The following COMMD10 variants were observed in gnomAD, a reference collection of about 807,000 sequenced individuals.
COMMD10 encodes the protein COMM domain-containing protein 10.
In COMMD10, 33 loss-of-function variants were observed where a neutral mutation model predicts 28.9. The ratio of observed to expected loss-of-function variants is 1.14; its 90% CI spans 0.87 to 1.53. COMMD10 has a LOEUF of 1.53. Ranked by LOEUF, COMMD10 falls within the 40% of genes most tolerant of loss-of-function variation. The probability of loss-of-function intolerance (pLI) is 0.00; values close to 1 mark genes in which losing one functional copy is unlikely to be tolerated. For missense variants in COMMD10, 310 were observed against 233.4 expected, an observed-to-expected ratio of 1.33 and a Z score of -2.14; for synonymous variants, 110 against 81.7, an observed-to-expected ratio of 1.35 and a Z score of -1.87.
At chr5:116,246,478 A>G (rs1324192416) in intron 5 of COMMD10, among the ~76,000 whole-genome samples, 1 of 151,352 alleles carries the variant, frequency 6.6e-6, no homozygotes, top group Non-Finnish European at 1.5e-5. Context: ...CTAGGAAAAA[A>G]AAAAAACTAT....
chr5:116,147,099 A>G (rs1490383311), intron 5 of COMMD10, among the ~76,000 whole-genome samples: 1 of 151,750 alleles, frequency 6.6e-6, no homozygotes, highest in Non-Finnish European at 1.5e-5. Context: ...CTTTTTGCAT[A>G]TTTAGCATCA....
intron 5 of COMMD10, among the ~76,000 whole-genome samples, chr5:116,189,450 G>T (rs756416597): frequency 3.3e-5 from 5 of 152,240 alleles, no homozygotes; most frequent in Non-Finnish European, 5.9e-5. Context: ...TTTGGTTGCA[G>T]TTCTGGCTTC....
At chr5:116,136,757 G>T (rs539828205) in intron 5 of COMMD10, among the ~76,000 whole-genome samples, 1 of 152,242 alleles carries the variant, frequency 6.6e-6, no homozygotes, top group African/African-American at 2.4e-5. Flanking sequence ...TGAGATTTTG[G>T]ATAGATGCAT....
chr5:116,194,162 A>G (rs1438596899), intron 5 of COMMD10, among the ~76,000 whole-genome samples: 1 of 152,166 alleles, frequency 6.6e-6, no homozygotes, highest in Non-Finnish European at 1.5e-5. Flanking sequence ...GGGATACAGC[A>G]AAGGTAGTGC....
At chr5:116,213,806 A>C (rs1475752959) in intron 5 of COMMD10, among the ~76,000 whole-genome samples, 1 of 152,118 alleles carries the variant, frequency 6.6e-6, no homozygotes, top group South Asian at 2.1e-4. Flanking sequence ...TTTAGTACAA[A>C]TACCATGTTA....
At chr5:116,262,626 A>G (rs751381460) in intron 5 of COMMD10, among the ~76,000 whole-genome samples, 5 of 151,840 alleles carry the variant, frequency 3.3e-5, no homozygotes, top group Admixed American at 6.6e-5. Flanking sequence ...TTATTTTGTA[A>G]GTGTTGGTTA....
intron 5 of COMMD10, among the ~76,000 whole-genome samples, chr5:116,262,260 C>T (rs1750467248): frequency 6.6e-6 from 1 of 151,512 alleles, no homozygotes; most frequent in Non-Finnish European, 1.5e-5. Context: ...TTTCTACATC[C>T]CTCAAAACTG....
chr5:116,204,176 A>G (rs1370554712), intron 5 of COMMD10, among the ~76,000 whole-genome samples: 3 of 152,226 alleles, frequency 2.0e-5, no homozygotes, highest in Non-Finnish European at 4.4e-5. Context: ...GATCAATTCA[A>G]CAAGAAGAGC....
At chr5:116,106,344 C>A (rs1037827854) in intron 4 of COMMD10, among the ~76,000 whole-genome samples, 3 of 152,004 alleles carry the variant, frequency 2.0e-5, no homozygotes, top group Non-Finnish European at 4.4e-5. Context: ...TGTGGTCCGA[C>A]AGAGTGTTTA....
intron 5 of COMMD10, chr5:116,188,350 A>T (rs1433204174): frequency 6.6e-6 from 1 of 152,118 alleles, no homozygotes; most frequent in African/African-American, 2.4e-5. Context: ...TAGAGCTAAT[A>T]AGTTTGATTT....
intron 4 of COMMD10, among the ~76,000 whole-genome samples, chr5:116,123,516 T>C (rs1751514480): frequency 6.6e-6 from 1 of 152,206 alleles, no homozygotes; most frequent in Admixed American, 6.5e-5. Context: ...TCAGGGATAT[T>C]GGTCTAAAGT....
In COMMD10 at chr5:116,284,302, G is replaced by A. The variant is rs577306757; in HGVS notation, c.511-7215G>A. On this transcript the variant is annotated intron_variant, in intron 5 of 6. Transcript: ENST00000274458. ...AAAGACAGCTATTTTTAAAAACTAC[G>A]CACAGTATCATCTAAAGGATTGTAT... Among the ~76,000 whole-genome samples the A allele has an allele frequency of 1.4e-3, 217 of 151,634 alleles. 5 individuals carry two copies. The highest frequency in any genetic ancestry group is 5.0e-3 in the African/African-American group (204 of 41,090).
chr5:116,086,393 A>T (rs1351376286), intron 1 of COMMD10, among the ~76,000 whole-genome samples: 1 of 152,174 alleles, frequency 6.6e-6, no homozygotes, highest in Non-Finnish European at 1.5e-5. Flanking sequence ...TGATTATTAC[A>T]GGAAAGGTGC....
At chr5:116,198,179 C>G (rs995803030) in intron 5 of COMMD10, among the ~76,000 whole-genome samples, 6 of 152,100 alleles carry the variant, frequency 3.9e-5, no homozygotes, top group Non-Finnish European at 8.8e-5. Context: ...GAAGAGTGAG[C>G]TTAATTTCTA....
chr5:116,230,850 A>G (rs1314413062), intron 5 of COMMD10, among the ~76,000 whole-genome samples: 3 of 151,488 alleles, frequency 2.0e-5, no homozygotes. Flanking sequence ...TAGATAAATA[A>G]TACGTGTGTG....
At chr5:116,179,486 A>T (rs1747874361) in intron 5 of COMMD10, among the ~76,000 whole-genome samples, 1 of 152,106 alleles carries the variant, frequency 6.6e-6, no homozygotes, top group South Asian at 2.1e-4. Flanking sequence ...GATTCAAAGC[A>T]TGTAGAAGAA....
chr5:116,184,562 G>A (rs1748078635), intron 5 of COMMD10, among the ~76,000 whole-genome samples: 1 of 151,910 alleles, frequency 6.6e-6, no homozygotes, highest in African/African-American at 2.4e-5. Context: ...ATCAATGTTG[G>A]TGTAGAAATA....
chr5:116,188,167 A>G (rs1392576384), intron 5 of COMMD10, among the ~76,000 whole-genome samples: 1 of 152,156 alleles, frequency 6.6e-6, no homozygotes, highest in East Asian at 1.9e-4. Context: ...AGTACTCATG[A>G]TGGAGAGGAA....
At chr5:116,109,484 C>T (rs1205228788) in intron 4 of COMMD10, among the ~76,000 whole-genome samples, 8 of 152,134 alleles carry the variant, frequency 5.3e-5, no homozygotes. Context: ...ATCCCAGCTA[C>T]TTGGGAGGCT....
Sources: gnomAD v4.1 joint callset for allele counts (sites outside exome capture counted in the v4.1 genomes callset) on GRCh38, gnomAD v4.1.1 for gene constraint, MANE v1.5 for transcripts, NCBI Gene and HGNC (gene_info 2026-07-23, HGNC 2026-07-21) for gene names.